Variants in PCDHGB1 observed in about 807,000 individuals in gnomAD.
The protein encoded by PCDHGB1 is protocadherin gamma-B1.
Under a neutral mutation model 56.6 loss-of-function variants are expected in PCDHGB1, and 34 were observed. The observed-to-expected ratio is 0.60, with a 90% CI of 0.46 to 0.80. The LOEUF (loss-of-function observed/expected upper bound fraction) is 0.80. PCDHGB1 is among the 30% of genes least tolerant of loss of function. The pLI is 0.00. For synonymous variants in PCDHGB1, 561 were observed against 505.9 expected (o/e 1.11, Z -1.46); for missense variants, 1,278 against 1,204.6 (o/e 1.06, Z -0.90).
intron 1 of PCDHGB1, among the ~76,000 whole-genome samples, chr5:141,434,902 C>T (rs1591355042): frequency 6.6e-6 from 1 of 151,934 alleles, no homozygotes; most frequent in East Asian, 1.9e-4. Flanking sequence ...CCCCTTCCCT[C>T]ATACCTTATT....
chr5:141,376,072 C>G (rs755171325), intron 1 of PCDHGB1: 9 of 1,613,498 alleles, frequency 5.6e-6, no homozygotes, highest in Middle Eastern at 1.7e-4. Flanking sequence ...TCACCGTGGC[C>G]GTGGCCGACA....
chr5:141,422,907 G>C (rs1330364637), intron 1 of PCDHGB1: 4 of 1,614,078 alleles, frequency 2.5e-6, no homozygotes, highest in Non-Finnish European at 3.4e-6. Flanking sequence ...ACGACAATGC[G>C]CCCGAGATCC....
chr5:141,389,144 T>C, intron 1 of PCDHGB1: 1 of 1,614,020 alleles, frequency 6.2e-7, no homozygotes, highest in Non-Finnish European at 8.5e-7. Flanking sequence ...ATATAACCGT[T>C]ACGGCAACAG....
chr5:141,402,857 A>G, intron 1 of PCDHGB1: 2 of 1,425,270 alleles, frequency 1.4e-6, no homozygotes, highest in Non-Finnish European at 1.8e-6. Context: ...CTTTCTTCTA[A>G]GGAAAAGATC....
intron 1 of PCDHGB1, chr5:141,378,634 T>C (rs1775059163): frequency 6.6e-6 from 1 of 152,196 alleles, no homozygotes; most frequent in African/African-American, 2.4e-5. Context: ...GACTGGTGAA[T>C]GGGAGAACAA....
At chr5:141,353,697 A>G (rs909535781) in intron 1 of PCDHGB1, among the ~76,000 whole-genome samples, 1 of 152,192 alleles carries the variant, frequency 6.6e-6, no homozygotes, top group South Asian at 2.1e-4. Flanking sequence ...CGTTTTCCAT[A>G]CTTCTTGTTT....
intron 1 of PCDHGB1, chr5:141,408,675 CG>C (rs757230674): frequency 2.3e-5 from 37 of 1,613,832 alleles, no homozygotes; most frequent in Non-Finnish European, 3.1e-5. Flanking sequence ...GACCCTGCCA[CG>C]GATCCTGATA....
rs200356364 is a variant in PCDHGB1, at chr5:141,470,128, C to CA, written c.2410-24670dup. On this transcript the variant is annotated intron_variant, in intron 1 of 3. Transcript: ENST00000523390. ...TGAGCAACAGAGCAAGACTTCGTCT[C>CA]AAAAAAAAAGATCATAGATCATCTT... 4.0e-3 allele frequency among the ~76,000 whole-genome samples: 596 copies of CA among 150,150 alleles called. 6 individuals are homozygous for CA. The highest frequency in any genetic ancestry group is 0.011 in the Admixed American group (171 of 15,136).
chr5:141,483,916 A>C (rs1377841777), intron 1 of PCDHGB1, among the ~76,000 whole-genome samples: 1 of 144,996 alleles, frequency 6.9e-6, no homozygotes, highest in African/African-American at 2.5e-5. Flanking sequence ...TCCCACTCAG[A>C]TTGCAGGTCG....
At chr5:141,383,254 A>G (rs1482301595) in intron 1 of PCDHGB1, 1 of 1,613,948 alleles carries the variant, frequency 6.2e-7, no homozygotes, top group African/African-American at 1.3e-5. Context: ...TCTTTACCCT[A>G]TAGACGTGGA....
chr5:141,489,636 C>A lies in PCDHGB1; in HGVS notation c.2410-5171C>A, dbSNP rs753380268. 3.8e-5 allele frequency: 62 copies of A among 1,614,074 alleles called. No individual in the cohort carries two copies. The highest frequency in any genetic ancestry group is 5.1e-5 in the Non-Finnish European group (60 of 1,180,038). ...TGGATCTCAATGACAACTCTCCTAG[C>A]TTTGCCACCCCTGAGCGAGAGATGC... is the stretch of plus-strand genomic sequence containing the variant. On this transcript the variant is annotated intron_variant, in intron 1 of 3. Coordinates refer to ENST00000523390, the MANE Select transcript of PCDHGB1 (RefSeq NM_018922.3). The surrounding 1 kb of genome is among the most constrained non-coding windows in gnomAD (Gnocchi z 4.5).
chr5:141,394,001 G>A (rs766773377), intron 1 of PCDHGB1: 4 of 1,613,340 alleles, frequency 2.5e-6, no homozygotes, highest in Admixed American at 1.7e-5. Context: ...AATTAGAAAA[G>A]TCAATAGGTA....
At chr5:141,503,598 C>CAAA (rs765754054) in intron 2 of PCDHGB1, among the ~76,000 whole-genome samples, 1 of 65,748 alleles carries the variant, frequency 1.5e-5, no homozygotes. Context: ...GACTCCAGCT[C>CAAA]AAAAAAAAAA....
At chr5:141,369,614 A>G (rs1334946148) in intron 1 of PCDHGB1, among the ~76,000 whole-genome samples, 2 of 152,240 alleles carry the variant, frequency 1.3e-5, no homozygotes, top group East Asian at 3.8e-4. Context: ...AAGGTCAATC[A>G]TTTCCTCATT....
At chr5:141,404,524 G>GTTT in intron 1 of PCDHGB1, 7 of 1,613,938 alleles carry the variant, frequency 4.3e-6, no homozygotes, top group Non-Finnish European at 5.9e-6. Context: ...ACTATGAGCA[G>GTTT]TTTAGAGATT....
At chr5:141,410,818 T>C (rs567397835) in intron 1 of PCDHGB1, 1 of 556,016 alleles carries the variant, frequency 1.8e-6, no homozygotes, top group African/African-American at 2.1e-5. Context: ...TGTAAAATAA[T>C]GTCACCAGAC....
chr5:141,390,500 C>G (rs2092162714), intron 1 of PCDHGB1: 3 of 614,492 alleles, frequency 4.9e-6, no homozygotes, highest in Non-Finnish European at 8.3e-6. Context: ...TTTAGCCAAG[C>G]TTAGATTTAT....
intron 1 of PCDHGB1, among the ~76,000 whole-genome samples, chr5:141,456,266 C>G (rs1273258132): frequency 6.6e-6 from 1 of 152,128 alleles, no homozygotes; most frequent in Non-Finnish European, 1.5e-5. Context: ...TTGCTTCTGG[C>G]TACTTCCTGC....
chr5:141,433,140 CAGGTGATTCGGTATTTTCTAAAG>C (rs2097570930), intron 1 of PCDHGB1: 1 of 1,613,948 alleles, frequency 6.2e-7, no homozygotes, highest in Non-Finnish European at 8.5e-7. Flanking sequence ...CTTTTGCTGT[CAGGTGATTCGGTATTTTCTAAAG>C]ACAGTCATGG....
Sources: gnomAD v4.1 joint callset for allele counts (sites outside exome capture counted in the v4.1 genomes callset) on GRCh38, gnomAD v4.1.1 for gene constraint, Gnocchi (gnomAD v3.1) non-coding constraint, MANE v1.5 for transcripts, NCBI Gene and HGNC (gene_info 2026-07-23, HGNC 2026-07-21) for gene names.